The following LRP5 variants were observed in gnomAD, a reference collection of about 807,000 sequenced individuals.
LRP5 encodes LDL receptor related protein 5.
LRP5 carries 62 observed loss-of-function variants against 154.1 expected under a neutral mutation model. The ratio of observed to expected loss-of-function variants is 0.40; its 90% CI spans 0.33 to 0.50. The LOEUF (loss-of-function observed/expected upper bound fraction) is 0.50, where lower values mean the gene tolerates loss of function less well. Among genes scored for constraint, LRP5 ranks in the 20% least tolerant of loss-of-function variants. LRP5 has a pLI of 0.55. For synonymous variants in LRP5, 966 were observed against 1,011.5 expected (o/e 0.96, Z 0.85); for missense variants, 1,915 against 2,336.7 (o/e 0.82, Z 3.72).
At chr11:68,319,646 A>T (rs1255004960) in intron 1 of LRP5, among the ~76,000 whole-genome samples, 1 of 152,096 alleles carries the variant, frequency 6.6e-6, no homozygotes, top group Non-Finnish European at 1.5e-5. Flanking sequence ...ATGTGCCATC[A>T]CACCCTACTT....
At chr11:68,418,924 C>G (rs546803) in intron 13 of LRP5, among the ~76,000 whole-genome samples, 1 of 152,066 alleles carries the variant, frequency 6.6e-6, no homozygotes, top group African/African-American at 2.4e-5. Context: ...TAGAGTTTCA[C>G]TGGAGCTGCG....
chr11:68,327,266 A>C (rs1235555987), intron 1 of LRP5, among the ~76,000 whole-genome samples: 3 of 151,480 alleles, frequency 2.0e-5, no homozygotes, highest in African/African-American at 7.3e-5. Flanking sequence ...CCATTTCCTC[A>C]CAGTCTCGGG....
At chr11:68,378,120 C>T (rs1465443045) in intron 5 of LRP5, among the ~76,000 whole-genome samples, 3 of 152,048 alleles carry the variant, frequency 2.0e-5, no homozygotes, top group Non-Finnish European at 2.9e-5. Context: ...TGGAGGTGTC[C>T]GGGGCTGCCC....
At position 68,386,500 on chromosome 11, in the gene LRP5, G is replaced by A. The variant is rs774484799; in HGVS notation, c.1200G>A (p.Ala400=). Residue 400 remains alanine (A), a synonymous_variant, in exon 6 of 23, where the codon GCG becomes GCA. Coordinates refer to ENST00000294304, the MANE Select transcript of LRP5 (RefSeq NM_002335.4). The surrounding 1 kb of genome is among the most constrained non-coding windows in gnomAD (Gnocchi z 7.9). The stretch of plus-strand genomic sequence containing the variant: ...ACGAGGTGCGGGCCATCCGCAGGGC[G>A]TACCTGGACGGGTCTGGGGCGCAGA... ...TDDEVRAIRR[A]YLDGSGAQTL... The A allele has an allele frequency of 2.9e-5, 46 of 1,613,948 alleles. No individual in the cohort carries two copies. The highest frequency in any genetic ancestry group is 5.0e-5 in the Admixed American group (3 of 60,010).
At chr11:68,362,065 G>C (rs2098628406) in intron 3 of LRP5, among the ~76,000 whole-genome samples, 1 of 152,232 alleles carries the variant, frequency 6.6e-6, no homozygotes, top group Non-Finnish European at 1.5e-5. Context: ...ATTGGGTTCT[G>C]TCTGCACACT....
chr11:68,302,189 T>C, the LRP5 span, among the ~76,000 whole-genome samples: 187 of 150,738 alleles, frequency 1.2e-3, no homozygotes, highest in Middle Eastern at 3.4e-3. Flanking sequence ...CTACTAGAAA[T>C]ACAAAAAATT....
intron 16 of LRP5, 52 bp from the exon 17 acceptor site, chr11:68,429,523 C>A: frequency 6.2e-7 from 1 of 1,612,420 alleles, no homozygotes; most frequent in South Asian, 1.1e-5. Flanking sequence ...GGCTGTGGTT[C>A]TGAGGTGGGA....
At chr11:68,405,350 G>C (rs1394464531) in intron 8 of LRP5, among the ~76,000 whole-genome samples, 1 of 151,420 alleles carries the variant, frequency 6.6e-6, no homozygotes, top group African/African-American at 2.4e-5. Flanking sequence ...ATATCCCTGT[G>C]GTCCCAGCTA....
At chr11:68,400,685 G>A (rs984839780) in intron 7 of LRP5, among the ~76,000 whole-genome samples, 19 of 152,088 alleles carry the variant, frequency 1.2e-4, no homozygotes, top group African/African-American at 4.3e-4. Flanking sequence ...CCAAGATCAC[G>A]CCATTGCACT....
intron 3 of LRP5, among the ~76,000 whole-genome samples, chr11:68,358,703 C>T (rs1275987064): frequency 2.0e-5 from 3 of 152,354 alleles, no homozygotes; most frequent in Admixed American, 6.5e-5. Flanking sequence ...GTTTTCCCCT[C>T]GTTGGTTAAT....
chr11:68,318,950 C>T (rs923388393), intron 1 of LRP5, among the ~76,000 whole-genome samples: 18 of 152,210 alleles, frequency 1.2e-4, no homozygotes, highest in African/African-American at 4.1e-4. Flanking sequence ...TCTTCTAGCA[C>T]GGAGCTTCAC....
Position 68,416,801 on chromosome 11 carries a change from A to C in LRP5, c.3027+274A>C, listed in dbSNP as rs553426521. On this transcript the variant is annotated intron_variant, in intron 13 of 22. Coordinates refer to ENST00000294304, the MANE Select transcript of LRP5 (RefSeq NM_002335.4). ...AGGACTTTTGTCTTTTCAAGAAAGA[A>C]AATGGTCGTGTGTCATGCAGGGGTA... is the stretch of plus-strand genomic sequence containing the variant. Among the ~76,000 whole-genome samples the C allele has an allele frequency of 3.3e-5, 5 of 152,368 alleles. No homozygotes were observed. The South Asian group carries it at 1.0e-3, about 32-fold the overall frequency.
chr11:68,343,306 CG>C (rs769956498), intron 1 of LRP5, among the ~76,000 whole-genome samples: 1 of 152,130 alleles, frequency 6.6e-6, no homozygotes, highest in Non-Finnish European at 1.5e-5. Flanking sequence ...ACTCTCGGGC[CG>C]GAGCTGGGTC....
chr11:68,342,491 C>T (rs977898972), intron 1 of LRP5, among the ~76,000 whole-genome samples: 1 of 152,220 alleles, frequency 6.6e-6, no homozygotes, highest in Admixed American at 6.5e-5. Context: ...GCCACCCACA[C>T]AGAGCTCTCC....
chr11:68,425,954 G>T (rs1349693671), intron 15 of LRP5, 24 bp from the exon 16 acceptor site: 2 of 1,601,742 alleles, frequency 1.2e-6, no homozygotes, highest in Non-Finnish European at 1.7e-6. Context: ...GCACTGCTCA[G>T]GGGGGCCCAC....
intron 16 of LRP5, among the ~76,000 whole-genome samples, chr11:68,428,819 G>T (rs1019779875): frequency 7.6e-6 from 1 of 132,204 alleles, no homozygotes; most frequent in Non-Finnish European, 1.6e-5. Flanking sequence ...GGTAGTTCAC[G>T]CCTGTAATCT....
intron 13 of LRP5, among the ~76,000 whole-genome samples, chr11:68,422,961 G>A (rs1332490556): frequency 2.6e-5 from 4 of 152,118 alleles, no homozygotes; most frequent in Admixed American, 6.5e-5. Flanking sequence ...TGTAAGGGGC[G>A]GCCCCCAAAC....
chr11:68,409,126 TAA>T (rs1565086362), intron 9 of LRP5, among the ~76,000 whole-genome samples: 1 of 118,784 alleles, frequency 8.4e-6, no homozygotes, highest in South Asian at 2.4e-4. Flanking sequence ...ACACATAATA[TAA>T]AAATATATAT....
chr11:68,404,857 C>T (rs1230080157), intron 8 of LRP5, among the ~76,000 whole-genome samples: 2 of 151,712 alleles, frequency 1.3e-5, no homozygotes, highest in Non-Finnish European at 2.9e-5. Flanking sequence ...GTAGTCCCAG[C>T]TACTCGGGAG....
Sources: allele counts gnomAD v4.1 joint callset (sites outside exome capture counted in the v4.1 genomes callset), GRCh38; gene constraint gnomAD v4.1.1; non-coding constraint Gnocchi (gnomAD v3.1); transcripts MANE v1.5; gene names NCBI Gene and HGNC (gene_info 2026-07-23, HGNC 2026-07-21).